Variants in CDH12 observed in about 807,000 individuals in gnomAD.
CDH12 encodes the protein cadherin 12.
In CDH12, 41 loss-of-function variants were observed where a neutral mutation model predicts 74.1. That is an observed-to-expected ratio of 0.55 (90% CI 0.43 to 0.72). The LOEUF is 0.72. Ranked by LOEUF, CDH12 falls within the 30% of genes least tolerant of loss-of-function variation. The pLI is 0.00. For synonymous variants in CDH12, 399 were observed against 355.0 expected, an observed-to-expected ratio of 1.12 and a Z score of -1.39; for missense variants, 945 against 977.2, an observed-to-expected ratio of 0.97 and a Z score of 0.44.
intron 2 of CDH12, among the ~76,000 whole-genome samples, chr5:22,495,809 G>T (rs1047763508): frequency 9.2e-5 from 14 of 152,166 alleles, no homozygotes; most frequent in Non-Finnish European, 1.9e-4. Flanking sequence ...TAATTGCAAT[G>T]TGAGTTAGCT....
At chr5:22,805,554 T>C (rs922357623) in intron 1 of CDH12, among the ~76,000 whole-genome samples, 8 of 152,160 alleles carry the variant, frequency 5.3e-5, no homozygotes, top group African/African-American at 9.7e-5. Context: ...ATCCTTATTA[T>C]GTATATTACA....
intron 8 of CDH12, among the ~76,000 whole-genome samples, chr5:21,831,111 A>C (rs1748997909): frequency 1.3e-5 from 2 of 152,056 alleles, no homozygotes; most frequent in Non-Finnish European, 2.9e-5. Context: ...ATACAGTGAG[A>C]CTTTAAAACA....
chr5:22,290,920 A>G (rs1360738531), intron 3 of CDH12, among the ~76,000 whole-genome samples: 6 of 152,200 alleles, frequency 3.9e-5, no homozygotes. Flanking sequence ...GACTTCTATT[A>G]AACATTTAAA....
At chr5:22,350,212 A>G (rs1235909933) in intron 3 of CDH12, among the ~76,000 whole-genome samples, 1 of 152,250 alleles carries the variant, frequency 6.6e-6, no homozygotes, top group African/African-American at 2.4e-5. Flanking sequence ...TCAACAAATT[A>G]TATAAATCAC....
Position 22,734,263 on chromosome 5 carries a change from C to T in CDH12, c.-523+118795G>A, listed in dbSNP as rs553346417. Among the ~76,000 whole-genome samples, 7 of 151,818 alleles carry T rather than the reference C, an allele frequency of 4.6e-5. No individual in the cohort carries two copies. The East Asian group carries it at 7.8e-4, about 17-fold the overall frequency. On this transcript the variant is annotated intron_variant, in intron 1 of 14. Coordinates refer to ENST00000382254, the MANE Select transcript of CDH12 (RefSeq NM_004061.5). The stretch of plus-strand genomic sequence containing the variant: ...AACTGATTGCCTTCTATGTTCTGTC[C>T]GTAATTGTTCAGAATTTGGCTATAG...
chr5:22,255,430 T>C (rs1185469043), intron 3 of CDH12, among the ~76,000 whole-genome samples: 1 of 151,834 alleles, frequency 6.6e-6, no homozygotes, highest in Non-Finnish European at 1.5e-5. Flanking sequence ...AACATTCATA[T>C]TAAAAATACA....
intron 1 of CDH12, among the ~76,000 whole-genome samples, chr5:22,712,373 T>C (rs1487130289): frequency 6.6e-6 from 1 of 152,116 alleles, no homozygotes; most frequent in East Asian, 1.9e-4. Context: ...TATAAATTCC[T>C]TTTAATTTTA....
chr5:22,008,630 G>T (rs562623445), intron 5 of CDH12, among the ~76,000 whole-genome samples: 16 of 152,308 alleles, frequency 1.1e-4, no homozygotes, highest in African/African-American at 3.8e-4. Context: ...TTTGCTCAGA[G>T]ACTTCCCTCT....
In CDH12 at chr5:22,042,820, G is replaced by T. The variant is rs116337103; in HGVS notation, c.231+35626C>A. Among the ~76,000 whole-genome samples the T allele has an allele frequency of 8.7e-3, 1,284 of 147,954 alleles. 24 individuals carry two copies. The highest frequency in any genetic ancestry group is 0.029 in the African/African-American group (1,167 of 39,830). ...TAGGAGGACTGATTCAGCCTGGGAA[G>T]TTGCGGCTCCAGTAAGCAGAGATCA... On this transcript the variant is annotated intron_variant, in intron 5 of 14. Coordinates refer to ENST00000382254, the MANE Select transcript of CDH12 (RefSeq NM_004061.5).
At chr5:22,675,318 G>A (rs1230209197) in intron 1 of CDH12, among the ~76,000 whole-genome samples, 1 of 152,172 alleles carries the variant, frequency 6.6e-6, no homozygotes, top group East Asian at 1.9e-4. Context: ...CCAAGCCTTG[G>A]CAGCTTCCAA....
chr5:22,544,137 T>G (rs540344610), intron 1 of CDH12, among the ~76,000 whole-genome samples: 2,739 of 152,288 alleles, frequency 0.018, 33 homozygotes, highest in Non-Finnish European at 0.027. Context: ...ATTTACTTTT[T>G]TTTTTATTTT....
chr5:22,029,862 C>G (rs1235559448), intron 5 of CDH12, among the ~76,000 whole-genome samples: 1 of 151,576 alleles, frequency 6.6e-6, no homozygotes, highest in Non-Finnish European at 1.5e-5. Context: ...TGGAACCAAC[C>G]CAAATGTCCA....
chr5:21,973,066 A>AT (rs1219032544), intron 6 of CDH12, among the ~76,000 whole-genome samples: 1 of 150,258 alleles, frequency 6.7e-6, no homozygotes, highest in African/African-American at 2.4e-5. Flanking sequence ...AAAAAAAAAA[A>AT]TAGCTAGGCA....
chr5:22,202,538 T>C (rs1750985092), intron 4 of CDH12, among the ~76,000 whole-genome samples: 1 of 152,166 alleles, frequency 6.6e-6, no homozygotes, highest in Non-Finnish European at 1.5e-5. Context: ...TCTAAGAATG[T>C]CAGTGGTGTT....
chr5:22,509,916 C>G (rs1285262007), intron 1 of CDH12, among the ~76,000 whole-genome samples: 2 of 151,872 alleles, frequency 1.3e-5, no homozygotes, highest in African/African-American at 4.8e-5. Flanking sequence ...TGGTATAGCA[C>G]TGGAGAATCA....
chr5:22,000,891 T>G (rs541237357), intron 5 of CDH12, among the ~76,000 whole-genome samples: 1 of 152,304 alleles, frequency 6.6e-6, no homozygotes, highest in African/African-American at 2.4e-5. Context: ...ATAGACTTTT[T>G]ACTTTGCATT....
At chr5:22,135,719 G>A (rs1376266876) in intron 4 of CDH12, among the ~76,000 whole-genome samples, 1 of 151,984 alleles carries the variant, frequency 6.6e-6, no homozygotes, top group African/African-American at 2.4e-5. Flanking sequence ...ATTAGCATTG[G>A]TAAGGTTCTG....
chr5:22,527,315 G>C (rs1422299830), intron 1 of CDH12, among the ~76,000 whole-genome samples: 5 of 152,090 alleles, frequency 3.3e-5, no homozygotes, highest in South Asian at 2.1e-4. Flanking sequence ...AATTGATTGA[G>C]AGTCATGATT....
chr5:22,535,187 T>C (rs2126710344), intron 1 of CDH12, among the ~76,000 whole-genome samples: 1 of 143,282 alleles, frequency 7.0e-6, no homozygotes, highest in African/African-American at 2.6e-5. Flanking sequence ...GACGGGGTCT[T>C]GCTGTCGCCC....
Sources: gnomAD v4.1 joint callset for allele counts (sites outside exome capture counted in the v4.1 genomes callset) on GRCh38, gnomAD v4.1.1 for gene constraint, MANE v1.5 for transcripts, NCBI Gene and HGNC (gene_info 2026-07-23, HGNC 2026-07-21) for gene names.